Variants in ZDHHC14 observed in about 807,000 individuals in gnomAD.
ZDHHC14 encodes palmitoyltransferase ZDHHC14.
ZDHHC14 carries 16 observed loss-of-function variants against 47.7 expected under a neutral mutation model. The observed-to-expected ratio is 0.34, with a 90% CI of 0.23 to 0.51. The LOEUF (loss-of-function observed/expected upper bound fraction) is 0.51, where lower values mean the gene tolerates loss of function less well. Ranked by LOEUF, ZDHHC14 falls within the 20% of genes least tolerant of loss-of-function variation. The pLI, the probability that ZDHHC14 is intolerant of heterozygous loss-of-function variation, is 0.97. For synonymous variants in ZDHHC14, 293 were observed against 278.9 expected, an observed-to-expected ratio of 1.05 and a Z score of -0.50; for missense variants, 515 against 662.5, an observed-to-expected ratio of 0.78 and a Z score of 2.44.
chr6:157,440,641 A>G (rs1182778688), intron 1 of ZDHHC14, among the ~76,000 whole-genome samples: 3 of 152,246 alleles, frequency 2.0e-5, no homozygotes, highest in African/African-American at 7.2e-5. Flanking sequence ...AATAGCAAAA[A>G]TGTGGAAACA....
intron 1 of ZDHHC14, among the ~76,000 whole-genome samples, chr6:157,450,461 G>C (rs2114801986): frequency 6.7e-6 from 1 of 149,924 alleles, no homozygotes; most frequent in South Asian, 2.1e-4. Flanking sequence ...GTTGTAGTGA[G>C]CCGAGATCGC....
intron 1 of ZDHHC14, among the ~76,000 whole-genome samples, chr6:157,521,676 T>C (rs1780921407): frequency 6.6e-6 from 1 of 152,216 alleles, no homozygotes; most frequent in South Asian, 2.1e-4. Flanking sequence ...CATTGGCGGT[T>C]AGGATGAATT....
intron 3 of ZDHHC14, among the ~76,000 whole-genome samples, chr6:157,596,731 C>T (rs1234048523): frequency 1.3e-5 from 2 of 152,080 alleles, no homozygotes; most frequent in Admixed American, 6.5e-5. Flanking sequence ...GCTACCCCCT[C>T]GGTTTCTTTT....
At chr6:157,387,906 A>T (rs1327558448) in intron 1 of ZDHHC14, among the ~76,000 whole-genome samples, 1 of 152,204 alleles carries the variant, frequency 6.6e-6, no homozygotes, top group South Asian at 2.1e-4. Context: ...ACCTCTGTAC[A>T]TTAATAAAAA....
At chr6:157,571,080 A>G (rs1783081574) in intron 2 of ZDHHC14, among the ~76,000 whole-genome samples, 1 of 152,178 alleles carries the variant, frequency 6.6e-6, no homozygotes, top group Non-Finnish European at 1.5e-5. Context: ...TGGAACTTAT[A>G]TTTTCAAAAC....
At chr6:157,441,583 A>G (rs983697602) in intron 1 of ZDHHC14, among the ~76,000 whole-genome samples, 1 of 152,234 alleles carries the variant, frequency 6.6e-6, no homozygotes, top group Non-Finnish European at 1.5e-5. Flanking sequence ...TCACACCTGT[A>G]ATCCCAGCAC....
intron 1 of ZDHHC14, among the ~76,000 whole-genome samples, chr6:157,522,820 C>T (rs1430169321): frequency 8.0e-5 from 3 of 37,400 alleles, no homozygotes; most frequent in African/African-American, 5.7e-4. Flanking sequence ...TCCCTCCCTC[C>T]CTCCCTCCCT....
intron 1 of ZDHHC14, among the ~76,000 whole-genome samples, chr6:157,391,245 T>C (rs1777413718): frequency 6.6e-6 from 1 of 152,102 alleles, no homozygotes. Flanking sequence ...ACTGCCGGCT[T>C]TTTGGGTCAC....
intron 1 of ZDHHC14, among the ~76,000 whole-genome samples, chr6:157,421,904 G>A (rs1480247918): frequency 2.0e-5 from 3 of 152,220 alleles, no homozygotes; most frequent in East Asian, 3.9e-4. Context: ...CACCGCGCCC[G>A]GCCTGGATTG....
intron 1 of ZDHHC14, among the ~76,000 whole-genome samples, chr6:157,505,557 G>A (rs1011223932): frequency 6.6e-6 from 1 of 152,144 alleles, no homozygotes; most frequent in African/African-American, 2.4e-5. Flanking sequence ...CATGCCTGCT[G>A]AATGAATTAA....
intron 5 of ZDHHC14, among the ~76,000 whole-genome samples, 181 bp from the exon 6 acceptor site, chr6:157,645,556 G>A (rs1299318171): frequency 6.6e-6 from 1 of 152,204 alleles, no homozygotes; most frequent in African/African-American, 2.4e-5. Context: ...CTGCCCTGAC[G>A]GAGGCCTCCA....
rs1340626016 is a variant in ZDHHC14 at position 157,593,903 on chromosome 6, G to C, written c.565+757G>C. Among the ~76,000 whole-genome samples the C allele has an allele frequency of 2.6e-5, 4 of 152,230 alleles. No homozygotes were observed. The South Asian group carries it at 8.3e-4, about 32-fold the overall frequency. ...AGATGAGGTTGGCAAGGAGATGGCA[G>C]AACACCCAAGTGACAGGAAGGGAAG... On this transcript the variant is annotated intron_variant, in intron 3 of 8. Coordinates refer to ENST00000359775, the MANE Select transcript of ZDHHC14 (RefSeq NM_024630.3).
At chr6:157,640,060 C>G (rs1777174248) in intron 5 of ZDHHC14, among the ~76,000 whole-genome samples, 1 of 152,204 alleles carries the variant, frequency 6.6e-6, no homozygotes, top group Non-Finnish European at 1.5e-5. Context: ...GCCGCCTTGG[C>G]TTCTCCGATT....
chr6:157,531,444 G>T (rs1346391351), intron 1 of ZDHHC14, among the ~76,000 whole-genome samples: 1 of 152,040 alleles, frequency 6.6e-6, no homozygotes, highest in Non-Finnish European at 1.5e-5. Context: ...CTTCCTCTCT[G>T]CAGGTCTCAC....
chr6:157,545,107 A>G (rs1030987687), intron 2 of ZDHHC14, among the ~76,000 whole-genome samples: 7 of 152,242 alleles, frequency 4.6e-5, no homozygotes, highest in South Asian at 2.1e-4. Context: ...ACAAAAGACT[A>G]TGTACTGTGT....
intron 1 of ZDHHC14, among the ~76,000 whole-genome samples, chr6:157,433,136 A>G (rs1010676522): frequency 1.3e-5 from 2 of 152,252 alleles, no homozygotes; most frequent in African/African-American, 2.4e-5. Context: ...GCCCTAGCAG[A>G]TGGCAGGTTT....
At chr6:157,415,017 A>G (rs923206492) in intron 1 of ZDHHC14, among the ~76,000 whole-genome samples, 2 of 152,058 alleles carry the variant, frequency 1.3e-5, no homozygotes, top group African/African-American at 4.8e-5. Context: ...GGATTCAAGG[A>G]CTTAATGGAC....
chr6:157,453,788 T>TTGTGTGTGTGTGTGTGTGTATGTG (rs1554258660), intron 1 of ZDHHC14, among the ~76,000 whole-genome samples: 25 of 148,098 alleles, frequency 1.7e-4, no homozygotes, highest in African/African-American at 6.1e-4. Flanking sequence ...TTTTTGTGTT[T>TTGTGTGTGTGTGTGTGTGTATGTG]TGTGTGTGTG....
At chr6:157,578,648 A>T (rs372306102) in intron 2 of ZDHHC14, among the ~76,000 whole-genome samples, 1 of 152,280 alleles carries the variant, frequency 6.6e-6, no homozygotes, top group Admixed American at 6.5e-5. Context: ...GAGGTGATTG[A>T]ATCATGGGGG....
Sources: allele counts gnomAD v4.1 joint callset (sites outside exome capture counted in the v4.1 genomes callset), GRCh38; gene constraint gnomAD v4.1.1; transcripts MANE v1.5; gene names NCBI Gene and HGNC (gene_info 2026-07-23, HGNC 2026-07-21).